The following CSTA variants were observed in gnomAD, a reference collection of about 807,000 sequenced individuals.
CSTA encodes cystatin-A.
CSTA carries 9 observed loss-of-function variants against 9.2 expected under a neutral mutation model. That is an observed-to-expected ratio of 0.97 (90% CI 0.59 to 1.70). The LOEUF is 1.70. CSTA is among the 40% of genes most tolerant of loss of function. The pLI is 0.00. For synonymous variants in CSTA, 36 were observed against 40.6 expected (o/e 0.89, Z 0.43); for missense variants, 118 against 113.1 (o/e 1.04, Z -0.20).
chr3:122,338,985 T>C (rs116067387), intron 2 of CSTA, among the ~76,000 whole-genome samples: 2 of 152,264 alleles, frequency 1.3e-5, no homozygotes, highest in African/African-American at 2.4e-5. Flanking sequence ...AAACTTTTCC[T>C]ACTGGATCTC....
chr3:122,332,680 T>C (rs528723400), intron 1 of CSTA, among the ~76,000 whole-genome samples: 1 of 152,286 alleles, frequency 6.6e-6, no homozygotes, highest in Middle Eastern at 3.4e-3. Flanking sequence ...CAGGTGCTTC[T>C]CCCTGGTAGC....
At chr3:122,332,316 G>A (rs905388694) in intron 1 of CSTA, among the ~76,000 whole-genome samples, 2 of 152,016 alleles carry the variant, frequency 1.3e-5, no homozygotes, top group African/African-American at 4.8e-5. Flanking sequence ...TCAATGCCTT[G>A]TCCCATACTT....
At chr3:122,332,693 C>T (rs1035202967) in intron 1 of CSTA, among the ~76,000 whole-genome samples, 2 of 152,186 alleles carry the variant, frequency 1.3e-5, no homozygotes, top group Non-Finnish European at 2.9e-5. Flanking sequence ...CTGGTAGCCT[C>T]CTCCCCGGCT....
chr3:122,326,420 A>G (rs1441181343), intron 1 of CSTA, among the ~76,000 whole-genome samples: 1 of 152,250 alleles, frequency 6.6e-6, no homozygotes, highest in Non-Finnish European at 1.5e-5. Context: ...ACATGTACAA[A>G]TTACTACTTT....
intron 1 of CSTA, among the ~76,000 whole-genome samples, chr3:122,329,568 AAAAT>A (rs1194187655): frequency 2.0e-5 from 3 of 152,162 alleles, no homozygotes; most frequent in African/African-American, 4.8e-5. Context: ...TCTGTTTCAA[AAAAT>A]AAATAAATAA....
In CSTA at chr3:122,341,511, G is replaced by A; in HGVS notation, c.241G>A (p.Val81Ile). The change falls in exon 3 of 3, where the codon GTA (valine) becomes ATA (isoleucine). Residue 81 changes from valine (V) to isoleucine (I), a missense_variant. Physicochemically the swap from Val to Ile is conservative, Grantham distance 29. Coordinates refer to ENST00000264474, the MANE Select transcript of CSTA (RefSeq NM_005213.4). ...KSLPGQNEDL[V>I]LTGYQVDKNK... is the part of the protein sequence containing the mutation. ...TCTTCCCGGACAAAATGAGGACTTG[G>A]TACTTACTGGATACCAGGTTGACAA... 6.2e-7 allele frequency: 1 copy of A among 1,614,064 alleles called. No homozygotes were observed. Among genetic ancestry groups the A allele is most frequent in the African/African-American group, 1.3e-5 (1 of 75,010 alleles).
intron 1 of CSTA, among the ~76,000 whole-genome samples, chr3:122,335,958 T>TACACACACACACAC (rs55707796): frequency 6.8e-6 from 1 of 147,554 alleles, no homozygotes; most frequent in African/African-American, 2.5e-5. Context: ...ATCAGAGGAA[T>TACACACACACACAC]ACACACACAC....
chr3:122,340,276 T>C (rs1235029977), intron 2 of CSTA, among the ~76,000 whole-genome samples: 1 of 152,144 alleles, frequency 6.6e-6, no homozygotes, highest in African/African-American at 2.4e-5. Context: ...TTCCTACCAA[T>C]GACTTCCTAG....
intron 1 of CSTA, among the ~76,000 whole-genome samples, chr3:122,326,848 T>G (rs1174804168): frequency 3.3e-5 from 5 of 152,170 alleles, no homozygotes; most frequent in African/African-American, 1.2e-4. Flanking sequence ...TCTACCAGAC[T>G]CCCAAGTGCT....
chr3:122,338,460 T>C lies in CSTA; in HGVS notation c.168+812T>C, dbSNP rs148651219. 3.6e-3 allele frequency among the ~76,000 whole-genome samples: 545 copies of C among 151,056 alleles called. 1 individual carries two copies. Among genetic ancestry groups the C allele is most frequent in the African/African-American group, 0.013 (525 of 41,136 alleles). On this transcript the variant is annotated intron_variant, in intron 2 of 2. Coordinates refer to ENST00000264474, the MANE Select transcript of CSTA (RefSeq NM_005213.4). ...GTGGCTTATTTCTCTTTAACAAATA[T>C]TTCTATTAAAATATAAACATTTTAA...
intron 1 of CSTA, among the ~76,000 whole-genome samples, chr3:122,327,528 CAAAAAAA>C (rs59568582): frequency 2.5e-4 from 11 of 44,108 alleles, no homozygotes; most frequent in Admixed American, 1.4e-3. Context: ...GACTCCGTCT[CAAAAAAA>C]AAAAAAAAAA....
At chr3:122,331,173 A>T (rs1454309989) in intron 1 of CSTA, among the ~76,000 whole-genome samples, 1 of 151,732 alleles carries the variant, frequency 6.6e-6, no homozygotes, top group Non-Finnish European at 1.5e-5. Flanking sequence ...TAATTGCTGA[A>T]TACTATTCCT....
intron 1 of CSTA, among the ~76,000 whole-genome samples, chr3:122,330,402 A>C (rs954510765): frequency 2.6e-5 from 4 of 152,214 alleles, no homozygotes; most frequent in African/African-American, 7.2e-5. Flanking sequence ...TCACATAGAA[A>C]AGGGAAGAGT....
At chr3:122,331,768 T>C (rs1201008973) in intron 1 of CSTA, among the ~76,000 whole-genome samples, 1 of 152,178 alleles carries the variant, frequency 6.6e-6, no homozygotes, top group African/African-American at 2.4e-5. Flanking sequence ...TAAATCTCTC[T>C]TCAGTTGTTC....
At chr3:122,332,299 T>C (rs2107666352) in intron 1 of CSTA, among the ~76,000 whole-genome samples, 1 of 152,312 alleles carries the variant, frequency 6.6e-6, no homozygotes, top group East Asian at 1.9e-4. Flanking sequence ...CTTCATTTCT[T>C]GCATCCTCAA....
At chr3:122,329,257 C>T (rs981483863) in intron 1 of CSTA, among the ~76,000 whole-genome samples, 5 of 151,974 alleles carry the variant, frequency 3.3e-5, no homozygotes, top group Admixed American at 6.5e-5. Context: ...TGAGCCACCG[C>T]GCCCAGCCAA....
chr3:122,340,095 A>T (rs1280126847), intron 2 of CSTA, among the ~76,000 whole-genome samples: 4 of 152,342 alleles, frequency 2.6e-5, no homozygotes, highest in Non-Finnish European at 5.9e-5. Flanking sequence ...CACAGTAAAC[A>T]TTTGATATAT....
intron 1 of CSTA, among the ~76,000 whole-genome samples, chr3:122,333,594 G>A (rs903916434): frequency 3.9e-5 from 4 of 101,386 alleles, no homozygotes; most frequent in East Asian, 6.0e-4. Flanking sequence ...AAAGAAAGAA[G>A]AAAGAGAGAG....
intron 2 of CSTA, among the ~76,000 whole-genome samples, chr3:122,338,843 C>T (rs2075249522): frequency 6.6e-6 from 1 of 152,168 alleles, no homozygotes; most frequent in African/African-American, 2.4e-5. Flanking sequence ...TACCAGCTCA[C>T]ATGTTTCTTC....
Sources: allele counts gnomAD v4.1 joint callset (sites outside exome capture counted in the v4.1 genomes callset), GRCh38; gene constraint gnomAD v4.1.1; transcripts MANE v1.5; gene names NCBI Gene and HGNC (gene_info 2026-07-23, HGNC 2026-07-21).